The following LTBR variants were observed in gnomAD, a reference collection of about 807,000 sequenced individuals.
LTBR encodes tumor necrosis factor receptor superfamily member 3.
Under a neutral mutation model 45.4 loss-of-function variants are expected in LTBR, and 15 were observed. The observed-to-expected ratio is 0.33, with a 90% confidence interval of 0.22 to 0.51. LTBR has a LOEUF of 0.51. LTBR is among the 20% of genes least tolerant of loss of function. The pLI is 0.97. For missense variants in LTBR, 450 were observed against 565.5 expected (o/e 0.80, Z 2.07); for synonymous variants, 228 against 231.0 (o/e 0.99, Z 0.12).
chr12:6,384,422 T>G lies in LTBR; in HGVS notation c.64T>G (p.Phe22Val), dbSNP rs1201624833. 6.5e-7 allele frequency: 1 copy of G among 1,546,346 alleles called. No homozygotes were observed. Among genetic ancestry groups the G allele is most frequent in the South Asian group, 1.2e-5 (1 of 84,424 alleles). ...LAWGPLVLGL[F>V]GLLAASQPQA... is the part of the protein sequence containing the mutation. The stretch of plus-strand genomic sequence containing the variant: ...CTGGGGGCCTCTGGTGCTGGGCCTC[T>G]TCGGGCTCCTGGCAGCATCGCAGCC... The change falls in exon 1 of 10, where the codon TTC (phenylalanine) becomes GTC (valine). Residue 22 changes from phenylalanine (F) to valine (V), a missense_variant. Around this residue, in one of 3 missense-constraint regions of LTBR, gnomAD observed 367 missense variants for 435.4 expected, o/e 0.84. Coordinates refer to ENST00000228918, the MANE Select transcript of LTBR (RefSeq NM_002342.3).
chr12:6,386,267 A>G lies in LTBR; in HGVS notation c.570-80A>G, dbSNP rs1398153113. The G allele has an allele frequency of 2.0e-6, 3 of 1,489,702 alleles. No individual in the cohort carries two copies. The highest frequency in any genetic ancestry group is 2.8e-6 in the Non-Finnish European group (3 of 1,070,788). 92.3% of individuals were successfully genotyped at this position (1,489,702 alleles called of 1,614,324 possible). A position where few individuals can be genotyped will look rare whatever the true frequency, so the allele number is the denominator to read the frequency against. ...ACCACGGACTCGACTCACCACTTTC[A>G]GCCTCCCCGCCTGCCCAGTGGAGTC... On this transcript the variant is annotated intron_variant, in intron 5 of 9. Transcript: ENST00000228918. This position sits in a 1 kb window ranked among gnomAD's most constrained non-coding sequence, Gnocchi z 4.1.
chr12:6,390,365 A>G (rs1368929494), intron 9 of LTBR, 25 bp downstream of exon 9: 1 of 1,555,846 alleles, frequency 6.4e-7, no homozygotes, highest in East Asian at 2.4e-5. Flanking sequence ...GGGAGAAGAG[A>G]GGAAGGATGG....
At position 6,386,474 on chromosome 12, in the gene LTBR, G is replaced by GGT; in HGVS notation, c.667+31_667+32insTG. ...GGGACCAGGGCTGAGGGACACGGGG[G>GGT]GGGCGCCTCTGAAAATGCCTTAATG... On this transcript the variant is annotated intron_variant, in intron 6 of 9. Coordinates refer to ENST00000228918, the MANE Select transcript of LTBR (RefSeq NM_002342.3). The surrounding 1 kb of genome is among the most constrained non-coding windows in gnomAD (Gnocchi z 4.1). 6.4e-7 allele frequency: 1 copy of GGT among 1,566,404 alleles called. No individual in the cohort carries two copies. The highest frequency in any genetic ancestry group is 8.8e-7 in the Non-Finnish European group (1 of 1,138,360).
intron 1 of LTBR, chr12:6,377,668 T>A (rs765089078): frequency 7.7e-7 from 1 of 1,302,022 alleles, no homozygotes; most frequent in South Asian, 1.2e-5. Flanking sequence ...GGTCCTTACA[T>A]TGGGCATGGT....
intron 9 of LTBR, 52 bp downstream of exon 9, chr12:6,390,392 G>T: frequency 6.9e-7 from 1 of 1,456,154 alleles, no homozygotes; most frequent in Non-Finnish European, 9.4e-7. Flanking sequence ...AGGGATGGCT[G>T]GCAGGGAGAG....
upstream of LTBR, among the ~76,000 whole-genome samples, chr12:6,381,018 T>C (rs11064155): frequency 0.036 from 5,440 of 152,248 alleles, 322 homozygotes; most frequent in East Asian, 0.31. Flanking sequence ...CTGGGCATTA[T>C]AGTAGCCATT....
chr12:6,388,613 C>A lies in LTBR; in HGVS notation c.775+108C>A. On this transcript the variant is annotated intron_variant, in intron 7 of 9. Coordinates refer to ENST00000228918, the MANE Select transcript of LTBR (RefSeq NM_002342.3). The surrounding 1 kb of genome is among the most constrained non-coding windows in gnomAD (Gnocchi z 4.3). ...CACCCTCAAGACTCCCAATGCCTAC[C>A]CCCAACATAGACATCCTTATCTTCA... The A allele has an allele frequency of 9.0e-7, 1 of 1,109,296 alleles. No homozygotes were observed. Among genetic ancestry groups the A allele is most frequent in the Non-Finnish European group, 1.4e-6 (1 of 734,696 alleles). 68.7% of individuals were successfully genotyped at this position (1,109,296 alleles called of 1,614,324 possible).
In LTBR at chr12:6,390,130, G is replaced by A. The variant is rs35681405; in HGVS notation, c.820G>A (p.Val274Ile). ...RRPQGEGPNP[V>I]AGSWEPPKAH... ...CCTGCAGGGAGAGGGACCCAATCCT[G>A]TAGCTGGAAGCTGGGAGCCTCCGAA... is the stretch of plus-strand genomic sequence containing the variant. The change falls in exon 9 of 10, where the codon GTA (valine) becomes ATA (isoleucine). Residue 274 changes from valine (V) to isoleucine (I), a missense_variant. Around this residue, in one of 3 missense-constraint regions of LTBR, gnomAD observed 367 missense variants for 435.4 expected, o/e 0.84. Coordinates refer to ENST00000228918, the MANE Select transcript of LTBR (RefSeq NM_002342.3). 4.8e-3 allele frequency: 7,672 copies of A among 1,613,942 alleles called. 334 individuals carry two copies. In the African/African-American group the frequency reaches 0.09, roughly 19 times the overall value.
At chr12:6,384,961 G>A (rs998417812) in intron 2 of LTBR, 61 bp from the exon 3 acceptor site, 2 of 1,604,718 alleles carry the variant, frequency 1.2e-6, no homozygotes, top group Non-Finnish European at 1.7e-6. Flanking sequence ...CACACTACAG[G>A]CAGCGGAGGT....
intron 8 of LTBR, 57 bp from the exon 9 acceptor site, chr12:6,390,055 G>A (rs1949093303): frequency 3.7e-6 from 4 of 1,081,690 alleles, no homozygotes; most frequent in Non-Finnish European, 4.3e-6. Context: ...GGGAGGGAGA[G>A]AGAAAAAAGG....
At chr12:6,382,303 G>C (rs547432099), upstream of LTBR, among the ~76,000 whole-genome samples, 58 of 151,902 alleles carry the variant, frequency 3.8e-4, no homozygotes, top group South Asian at 0.011. Context: ...GGTGGGGGAG[G>C]GGGTATACAG....
Position 6,391,086 on chromosome 12 carries a change from G to T in LTBR, c.*149G>T. ...AAGGCTCAGACACCTCTGAGAGCAGGTGGGCACTGGCTGGGTACGGTGCCC... is the reference window on the plus strand; with the variant it reads ...AAGGCTCAGACACCTCTGAGAGCAGTTGGGCACTGGCTGGGTACGGTGCCC... On this transcript the variant is annotated 3_prime_UTR_variant, in exon 10 of 10. Coordinates refer to ENST00000228918, the MANE Select transcript of LTBR (RefSeq NM_002342.3). The T allele has an allele frequency of 1.2e-6, 1 of 803,550 alleles. No individual in the cohort carries two copies. Among genetic ancestry groups the T allele is most frequent in the Non-Finnish European group, 1.8e-6 (1 of 552,570 alleles). The allele number at this position is 803,550 out of a possible 1,614,324, so 49.8% of individuals were successfully genotyped here.
chr12:6,378,268 C>T (rs1462426743), intron 1 of LTBR, among the ~76,000 whole-genome samples: 2 of 152,028 alleles, frequency 1.3e-5, no homozygotes, highest in East Asian at 3.8e-4. Flanking sequence ...TATGTTTCTA[C>T]AACTTCCATT....
chr12:6,388,738 G>A lies in LTBR; in HGVS notation c.776-62G>A. ...GCTACACATTGTGCTGGGATGTGGA[G>A]GCTGAAAGGCTAGGTCTGAGGCCTG... On this transcript the variant is annotated intron_variant, in intron 7 of 9. Transcript: ENST00000228918. This position sits in a 1 kb window ranked among gnomAD's most constrained non-coding sequence, Gnocchi z 4.3. 6.2e-7 allele frequency: 1 copy of A among 1,606,440 alleles called. No homozygotes were observed. Among genetic ancestry groups the A allele is most frequent in the Non-Finnish European group, 8.5e-7 (1 of 1,173,506 alleles).
chr12:6,380,545 C>A (rs888157020), upstream of LTBR, among the ~76,000 whole-genome samples: 1 of 152,012 alleles, frequency 6.6e-6, no homozygotes. Flanking sequence ...TTAGCCGGGC[C>A]TGTTGGCGCA....
At chr12:6,383,647 T>C (rs1000548812), upstream of LTBR, among the ~76,000 whole-genome samples, 2 of 152,058 alleles carry the variant, frequency 1.3e-5, no homozygotes, top group African/African-American at 4.8e-5. Context: ...TTGGGCTGGG[T>C]TGGTAGCGTG....
chr12:6,383,904 G>C, upstream of LTBR: 2 of 500,120 alleles, frequency 4.0e-6, no homozygotes, highest in East Asian at 1.2e-4. Flanking sequence ...TCCCTGCGAG[G>C]CTTGTCCAAG....
rs2364481 is a variant in LTBR, at chr12:6,388,094, A to G, written c.668-304A>G. On this transcript the variant is annotated intron_variant, in intron 6 of 9. Coordinates refer to ENST00000228918, the MANE Select transcript of LTBR (RefSeq NM_002342.3). The surrounding 1 kb of genome is among the most constrained non-coding windows in gnomAD (Gnocchi z 4.3). The stretch of plus-strand genomic sequence containing the variant: ...CTGCCTAAGCTCCCATCCTGCACAC[A>G]CAAGCCTGCCCAATCCTGGTCTCTG... Among the ~76,000 whole-genome samples the G allele has an allele frequency of 0.81, 123,088 of 152,084 alleles. 50,541 individuals are homozygous for G. The highest frequency in any genetic ancestry group is 0.95 in the African/African-American group (39,533 of 41,500).
intron 4 of LTBR, chr12:6,385,859 C>G (rs1949037672): frequency 6.6e-6 from 3 of 456,934 alleles, no homozygotes; most frequent in South Asian, 5.5e-5. Flanking sequence ...GAGCCGAGAT[C>G]GCGCCACTGC....
Sources: allele counts gnomAD v4.1 joint callset (sites outside exome capture counted in the v4.1 genomes callset), GRCh38; gene constraint gnomAD v4.1.1; regional missense constraint gnomAD v4.1.1; non-coding constraint Gnocchi (gnomAD v3.1); transcripts MANE v1.5; gene names NCBI Gene and HGNC (gene_info 2026-07-23, HGNC 2026-07-21).